Variants in PRR35 observed in about 807,000 individuals in gnomAD.
PRR35 encodes proline-rich protein 35.
In PRR35, 14 loss-of-function variants were observed where a neutral mutation model predicts 18.6. The ratio of observed to expected loss-of-function variants is 0.75; its 90% CI spans 0.50 to 1.18. The LOEUF (loss-of-function observed/expected upper bound fraction) is 1.18, where lower values mean the gene tolerates loss of function less well. PRR35 is among the 50% of genes most tolerant of loss of function. The pLI is 0.00. For missense variants in PRR35, 832 were observed against 792.2 expected, an observed-to-expected ratio of 1.05 and a Z score of -0.60; for synonymous variants, 425 against 378.2, an observed-to-expected ratio of 1.12 and a Z score of -1.43.
upstream of PRR35, chr16:559,815 G>A: frequency 3.2e-6 from 3 of 937,308 alleles, no homozygotes; most frequent in African/African-American, 5.3e-5. Flanking sequence ...GGTCCGGGCA[G>A]CCTCCGGTTT....
Position 564,247 on chromosome 16 carries a change from G to A in PRR35, c.953G>A (p.Arg318Lys), listed in dbSNP as rs768505127. The A allele has an allele frequency of 8.9e-6, 14 of 1,576,548 alleles. No homozygotes were observed. Among genetic ancestry groups the A allele is most frequent in the South Asian group, 1.1e-5 (1 of 87,194 alleles). ...GLGPWPRVTP[R>K]DPGQEGELER... Reference sequence around the variant, plus strand: ...GGGCCCTGGCCCCGAGTCACCCCCAGGGACCCAGGGCAGGAGGGGGAGCTG... The same window carrying A: ...GGGCCCTGGCCCCGAGTCACCCCCAAGGACCCAGGGCAGGAGGGGGAGCTG... Residue 318 changes from arginine (R) to lysine (K), a missense_variant, in exon 2 of 3, where the codon AGG becomes AAG. By Grantham distance (26) the Arg-to-Lys change is conservative. This residue lies in a region of PRR35 where 768 missense variants were observed against 704.1 expected (regional missense o/e 1.09). Transcript: ENST00000409413.
At chr16:562,511 G>GCACACACAGGCGCACACACGTGTGCA (rs1188868612) in intron 1 of PRR35, among the ~76,000 whole-genome samples, 17 of 119,720 alleles carry the variant, frequency 1.4e-4, no homozygotes, top group Admixed American at 4.5e-4. Flanking sequence ...AGAGGCACAT[G>GCACACACAGGCGCACACACGTGTGCA]CACACACAGG....
upstream of PRR35, chr16:560,364 C>G: frequency 3.1e-6 from 3 of 982,480 alleles, no homozygotes; most frequent in Non-Finnish European, 3.6e-6. Context: ...AGCCCGGAGC[C>G]CAGGCGCACG....
Position 563,441 on chromosome 16 carries a change from G to A in PRR35, c.147G>A (p.Lys49=), listed in dbSNP as rs1018754856. 2.9e-5 allele frequency: 46 copies of A among 1,612,486 alleles called. No homozygotes were observed. The African/African-American group carries it at 6.0e-4, about 21-fold the overall frequency. The change falls in exon 2 of 3, where the codon AAG becomes AAA. Residue 49 remains lysine, a synonymous_variant. Coordinates refer to ENST00000409413, the MANE Select transcript of PRR35 (RefSeq NM_145270.3). ...CFQCPFTCLE[K]SHLYNHMKYS... The stretch of plus-strand genomic sequence containing the variant: ...AGTGCCCCTTCACCTGCCTGGAGAA[G>A]TCACACCTCTACAACCACATGAAGT...
chr16:562,561 A>G (rs2035455795), intron 1 of PRR35, among the ~76,000 whole-genome samples: 1 of 151,132 alleles, frequency 6.6e-6, no homozygotes, highest in South Asian at 2.1e-4. Context: ...GCACGCACAC[A>G]CACGTGCATG....
At chr16:564,620 G>T in intron 2 of PRR35, 54 bp from the exon 3 acceptor site, 1 of 1,467,092 alleles carries the variant, frequency 6.8e-7, no homozygotes, top group Non-Finnish European at 9.0e-7. Context: ...GAGGGGCAGG[G>T]GCCGGGGGCG....
At chr16:562,914 C>G (rs529599661) in intron 1 of PRR35, among the ~76,000 whole-genome samples, 1 of 152,148 alleles carries the variant, frequency 6.6e-6, no homozygotes, top group Non-Finnish European at 1.5e-5. Context: ...TAGTTAAAAT[C>G]GAATTTCCGA....
At position 560,618 on chromosome 16, in the gene PRR35, C is replaced by T. The variant is rs2035416352; in HGVS notation, c.-83C>T. The T allele has an allele frequency of 5.2e-5, 51 of 982,872 alleles. No homozygotes were observed. The highest frequency in any genetic ancestry group is 5.7e-5 in the Non-Finnish European group (47 of 828,986). 60.9% of individuals were successfully genotyped at this position (982,872 alleles called of 1,614,324 possible). A position where few individuals can be genotyped will look rare whatever the true frequency, so the allele number is the denominator to read the frequency against. Reference sequence around the variant, plus strand: ...AGGGGCGGGAAGTTTGCGCCCTACACGCGGCCTCGCAGACTTGGCGGCTCC... The same window carrying T: ...AGGGGCGGGAAGTTTGCGCCCTACATGCGGCCTCGCAGACTTGGCGGCTCC... On this transcript the variant is annotated 5_prime_UTR_variant, in exon 1 of 3. It adds an upstream start codon to the 5' untranslated region. Coordinates refer to ENST00000409413, the MANE Select transcript of PRR35 (RefSeq NM_145270.3).
Position 560,521 on chromosome 16 carries a change from C to G in PRR35, c.-180C>G, listed in dbSNP as rs1350667631. The G allele has an allele frequency of 1.0e-6, 1 of 982,884 alleles. No homozygotes were observed. The highest frequency in any genetic ancestry group is 1.1e-4 in the East Asian group (1 of 8,762). 60.9% of individuals were successfully genotyped at this position (982,884 alleles called of 1,614,324 possible). On this transcript the variant is annotated 5_prime_UTR_variant, in exon 1 of 3. Transcript: ENST00000409413. ...CGGCGCCGGGCCTCAGTTTCCCCCACGGGAGCCGCATCCCACCCCCAGAGC... is the reference window on the plus strand; with the variant it reads ...CGGCGCCGGGCCTCAGTTTCCCCCAGGGGAGCCGCATCCCACCCCCAGAGC...
chr16:563,869 C>T lies in PRR35; in HGVS notation c.575C>T (p.Pro192Leu), dbSNP rs759292493. Reference sequence around the variant, plus strand: ...GAGGGCAGCGTCCCCTGCTATCCCCCGCCTGCCCCAGGGGAGTTCCCTGAG... The same window carrying T: ...GAGGGCAGCGTCCCCTGCTATCCCCTGCCTGCCCCAGGGGAGTTCCCTGAG... ...GPEGSVPCYP[P>L]PAPGEFPEAH... The change falls in exon 2 of 3, where the codon CCG becomes CTG. Residue 192 changes from proline to leucine, a missense_variant. Coordinates refer to ENST00000409413, the MANE Select transcript of PRR35 (RefSeq NM_145270.3). 191 of 1,557,074 alleles carry T rather than the reference C, an allele frequency of 1.2e-4. No homozygotes were observed. In the East Asian group the frequency reaches 3.2e-3, roughly 26 times the overall value.
In PRR35 at chr16:564,671, C is replaced by G; in HGVS notation, c.1083-3C>G. ...GGCCTCCTGACCAGCTTCCACCCCA[C>G]AGCCTGCCCACCGGCTCCTCTGTGA... On this transcript the variant is annotated splice_region_variant and splice_polypyrimidine_tract_variant and intron_variant, in intron 2 of 2. Coordinates refer to ENST00000409413, the MANE Select transcript of PRR35 (RefSeq NM_145270.3). The G allele has an allele frequency of 6.6e-7, 1 of 1,521,952 alleles. No homozygotes were observed. The highest frequency in any genetic ancestry group is 8.8e-7 in the Non-Finnish European group (1 of 1,139,662). 94.3% of individuals were successfully genotyped at this position (1,521,952 alleles called of 1,614,324 possible). A position where few individuals can be genotyped will look rare whatever the true frequency, so the allele number is the denominator to read the frequency against.
At chr16:560,104 C>T (rs573709457), upstream of PRR35, among the ~76,000 whole-genome samples, 135 of 151,872 alleles carry the variant, frequency 8.9e-4, 5 homozygotes, top group South Asian at 0.027. Flanking sequence ...GCAACGGGGG[C>T]GGGAGGCGCC....
At chr16:562,198 C>T (rs971803923) in intron 1 of PRR35, among the ~76,000 whole-genome samples, 12 of 152,242 alleles carry the variant, frequency 7.9e-5, no homozygotes, top group Admixed American at 2.0e-4. Flanking sequence ...TGGGGAGGAG[C>T]GGGTCTTGGC....
chr16:561,854 G>T, intron 1 of PRR35: 2 of 906,126 alleles, frequency 2.2e-6, no homozygotes, highest in Non-Finnish European at 2.6e-6. Context: ...TGAGTGCCGT[G>T]TTGGAGTGGT....
Position 564,971 on chromosome 16 carries a change from G to A in PRR35, c.1380G>A (p.Pro460=), listed in dbSNP as rs373106940. ...IHQALEQAVR[P]PDAPLDLSVK... ...AGGCGCTGGAGCAGGCCGTGAGGCC[G>A]CCAGACGCACCCCTCGACCTCTCTG... Residue 460 remains proline (P), a synonymous_variant, in exon 3 of 3, where the codon CCG becomes CCA. Transcript: ENST00000409413. 1.0e-4 allele frequency: 166 copies of A among 1,605,936 alleles called. No homozygotes were observed. In the African/African-American group the frequency reaches 1.6e-3, roughly 16 times the overall value.
chr16:563,554 C>T lies in PRR35; in HGVS notation c.260C>T (p.Ala87Val), dbSNP rs1379673627. 1.2e-6 allele frequency: 2 copies of T among 1,609,552 alleles called. No homozygotes were observed. The highest frequency in any genetic ancestry group is 2.2e-5 in the South Asian group (2 of 90,852). Reference protein sequence around the residue: ...RRGSTTPRPHAPTPDRPGESD... With the variant: ...RRGSTTPRPHVPTPDRPGESD... ...GGCTCCACCACGCCTAGGCCCCACGCACCCACCCCAGACCGCCCTGGGGAG... is the reference window on the plus strand; with the variant it reads ...GGCTCCACCACGCCTAGGCCCCACGTACCCACCCCAGACCGCCCTGGGGAG... The change falls in exon 2 of 3, where the codon GCA (alanine) becomes GTA (valine). Residue 87 changes from alanine (A) to valine (V), a missense_variant. By Grantham distance (64) the Ala-to-Val change is moderately conservative. This residue lies in a region of PRR35 where 768 missense variants were observed against 704.1 expected (regional missense o/e 1.09). Coordinates refer to ENST00000409413, the MANE Select transcript of PRR35 (RefSeq NM_145270.3).
In PRR35 at chr16:563,800, A is replaced by C; in HGVS notation, c.506A>C (p.Asp169Ala). The C allele has an allele frequency of 6.7e-7, 1 of 1,499,514 alleles. No individual in the cohort carries two copies. The highest frequency in any genetic ancestry group is 1.3e-5 in the South Asian group (1 of 76,612). The allele number at this position is 1,499,514 out of a possible 1,614,324, so 92.9% of individuals were successfully genotyped here. Residue 169 changes from aspartate to alanine, a missense_variant, in exon 2 of 3, where the codon GAC becomes GCC. Physicochemically the swap from Asp to Ala is moderately radical, Grantham distance 126. Coordinates refer to ENST00000409413, the MANE Select transcript of PRR35 (RefSeq NM_145270.3). ...TCGTGGAAGCCGGGGATGGGAGGGG[A>C]CCCAAGGGGCGTGGGTGCGGGGGAC... The part of the protein sequence containing the change: ...PESWKPGMGG[D>A]PRGVGAGDMA...
At position 564,193 on chromosome 16, in the gene PRR35, G is replaced by A. The variant is rs1439246467; in HGVS notation, c.899G>A (p.Gly300Asp). ...AGCCCCTCTGGGACTCCGGCTCCTG[G>A]CCTGCTGAAGGTGCCAGTTCCAGGG... ...PRSPSGTPAP[G>D]LLKVPVPGLG... Residue 300 changes from glycine to aspartate, a missense_variant, in exon 2 of 3, where the codon GGC becomes GAC. Gly to Asp is a moderately conservative substitution (Grantham distance 94). This residue lies in a region of PRR35 where 768 missense variants were observed against 704.1 expected (regional missense o/e 1.09). Transcript: ENST00000409413. 5 of 1,564,474 alleles carry A rather than the reference G, an allele frequency of 3.2e-6. No homozygotes were observed. In the African/African-American group the frequency reaches 6.8e-5, roughly 21 times the overall value.
At chr16:560,698 G>T (rs1327473621) in intron 1 of PRR35, 37 bp downstream of exon 1, 1 of 981,820 alleles carries the variant, frequency 1.0e-6, no homozygotes. Flanking sequence ...GGCCAGTTGG[G>T]CGTCGCGGGG....
Sources: allele counts gnomAD v4.1 joint callset (sites outside exome capture counted in the v4.1 genomes callset), GRCh38; gene constraint gnomAD v4.1.1; regional missense constraint gnomAD v4.1.1; transcripts MANE v1.5; gene names NCBI Gene and HGNC (gene_info 2026-07-23, HGNC 2026-07-21).